Variants in ABHD2 observed in about 807,000 individuals in gnomAD.
ABHD2 encodes monoacylglycerol lipase ABHD2.
ABHD2 carries 20 observed loss-of-function variants against 48.1 expected under a neutral mutation model. The ratio of observed to expected loss-of-function variants is 0.42; its 90% CI spans 0.29 to 0.60. ABHD2 has a LOEUF of 0.60. Ranked by LOEUF, ABHD2 falls within the 20% of genes least tolerant of loss-of-function variation. The pLI, the probability that ABHD2 is intolerant of heterozygous loss-of-function variation, is 0.24. For missense variants in ABHD2, 405 were observed against 550.9 expected, an observed-to-expected ratio of 0.74 and a Z score of 2.65; for synonymous variants, 209 against 214.2, an observed-to-expected ratio of 0.98 and a Z score of 0.21.
At chr15:89,043,368 G>A in the ABHD2 span, among the ~76,000 whole-genome samples, 1 of 152,066 alleles carries the variant, frequency 6.6e-6, no homozygotes, top group African/African-American at 2.4e-5. Context: ...CAAGGTTAGG[G>A]TGAGCTATCT....
chr15:89,051,367 A>T, the ABHD2 span, among the ~76,000 whole-genome samples: 1 of 152,210 alleles, frequency 6.6e-6, no homozygotes, highest in African/African-American at 2.4e-5. Flanking sequence ...CACTCTCAAG[A>T]ATCCTAAGAT....
rs1420205460 is a variant in ABHD2, at chr15:89,166,255, C to G, written c.539-9557C>G. On this transcript the variant is annotated intron_variant, in intron 5 of 10. Transcript: ENST00000352732. This position sits in a 1 kb window ranked among gnomAD's most constrained non-coding sequence, Gnocchi z 4.6. Reference sequence around the variant, plus strand: ...TAAGAACTTAGTACCCATCTCCCACCAAAACACCAAGCTGGGGCATTTGGC... The same window carrying G: ...TAAGAACTTAGTACCCATCTCCCACGAAAACACCAAGCTGGGGCATTTGGC... 6.6e-6 allele frequency among the ~76,000 whole-genome samples: 1 copy of G among 152,186 alleles called. No individual in the cohort carries two copies. The highest frequency in any genetic ancestry group is 1.9e-4 in the East Asian group (1 of 5,196).
the ABHD2 span, among the ~76,000 whole-genome samples, chr15:89,081,590 G>A: frequency 2.0e-4 from 30 of 152,174 alleles, no homozygotes; most frequent in Admixed American, 1.7e-3. Flanking sequence ...TAGTTGGCCG[G>A]GTGCAGTGGC....
chr15:89,084,541 C>T (rs537007525), upstream of ABHD2, among the ~76,000 whole-genome samples: 5 of 152,126 alleles, frequency 3.3e-5, no homozygotes, highest in African/African-American at 7.2e-5. The surrounding 1 kb of genome is among the most constrained non-coding windows in gnomAD (Gnocchi z 4.4). Flanking sequence ...TCAAGTGATC[C>T]GCCCACCTCA....
chr15:89,064,866 T>G, the ABHD2 span, among the ~76,000 whole-genome samples: 1 of 152,158 alleles, frequency 6.6e-6, no homozygotes, highest in Non-Finnish European at 1.5e-5. Flanking sequence ...GAACAGTCTG[T>G]ATCCTACTCC....
In ABHD2 at chr15:89,197,970, T is replaced by A. The variant is rs1338341520; in HGVS notation, c.*2547T>A. 1.3e-5 allele frequency: 2 copies of A among 152,228 alleles called. No individual in the cohort carries two copies. Among genetic ancestry groups the A allele is most frequent in the African/African-American group, 4.8e-5 (2 of 41,454 alleles). The allele number at this position is 152,228 out of a possible 1,614,324, so 9.4% of individuals were successfully genotyped here. Reference sequence around the variant, plus strand: ...CTGTGGCTGTCTTACAGGAAAATTCTTGTTTGTCCCTGAATGAGAGCACAG... The same window carrying A: ...CTGTGGCTGTCTTACAGGAAAATTCATGTTTGTCCCTGAATGAGAGCACAG... On this transcript the variant is annotated 3_prime_UTR_variant, in exon 11 of 11. Coordinates refer to ENST00000352732, the MANE Select transcript of ABHD2 (RefSeq NM_152924.5). This position sits in a 1 kb window ranked among gnomAD's most constrained non-coding sequence, Gnocchi z 4.4.
chr15:89,141,781 G>A (rs900870333), intron 3 of ABHD2, among the ~76,000 whole-genome samples: 3 of 152,266 alleles, frequency 2.0e-5, no homozygotes, highest in South Asian at 4.1e-4. Flanking sequence ...GGAAGCCCAC[G>A]TTGACCAGCT....
chr15:89,123,821 G>A (rs1057123721), intron 3 of ABHD2, among the ~76,000 whole-genome samples: 4 of 151,998 alleles, frequency 2.6e-5, no homozygotes, highest in Non-Finnish European at 5.9e-5. Flanking sequence ...TGTTGTACAA[G>A]CTGGTCTTAA....
At chr15:89,107,961 C>A (rs534886668) in intron 1 of ABHD2, among the ~76,000 whole-genome samples, 5 of 152,288 alleles carry the variant, frequency 3.3e-5, no homozygotes, top group African/African-American at 9.6e-5. Context: ...AGCTGAATCA[C>A]AGAGGCAAAG....
In ABHD2 at chr15:89,179,001, A is replaced by G. The variant is rs1422603951; in HGVS notation, c.722+3006A>G. 6.6e-6 allele frequency among the ~76,000 whole-genome samples: 1 copy of G among 152,216 alleles called. No individual in the cohort carries two copies. The highest frequency in any genetic ancestry group is 1.5e-5 in the Non-Finnish European group (1 of 68,050). Reference sequence around the variant, plus strand: ...TTTTATTGCAGTTTGGGTGTAAAAGATAGTCTGTATCTGAGGACCTCACAG... The same window carrying G: ...TTTTATTGCAGTTTGGGTGTAAAAGGTAGTCTGTATCTGAGGACCTCACAG... On this transcript the variant is annotated intron_variant, in intron 6 of 10. Transcript: ENST00000352732. The surrounding 1 kb of genome is among the most constrained non-coding windows in gnomAD (Gnocchi z 4.3).
chr15:89,188,115 T>A lies in ABHD2; in HGVS notation c.816-78T>A. The A allele has an allele frequency of 7.8e-7, 1 of 1,283,024 alleles. No individual in the cohort carries two copies. Among genetic ancestry groups the A allele is most frequent in the Non-Finnish European group, 1.1e-6 (1 of 886,954 alleles). 79.5% of individuals were successfully genotyped at this position (1,283,024 alleles called of 1,614,324 possible). On this transcript the variant is annotated intron_variant, in intron 7 of 10. Transcript: ENST00000352732. This position sits in a 1 kb window ranked among gnomAD's most constrained non-coding sequence, Gnocchi z 4.1. ...ACGTTGGCTCTCCCTCCTGGCTTGC[T>A]GTGGCAAGGAAGCAGGCTATGCCAT... is the stretch of plus-strand genomic sequence containing the variant.
rs1243591363 is a variant in ABHD2, at chr15:89,195,355, A to G, written c.1210A>G (p.Ile404Val). 4 of 1,614,046 alleles carry G rather than the reference A, an allele frequency of 2.5e-6. No homozygotes were observed. The highest frequency in any genetic ancestry group is 1.3e-5 in the African/African-American group (1 of 74,924). ...DKLVVEYANA[I>V]CQWERNKLQC... ...GCTGGTGGTGGAGTACGCCAACGCC[A>G]TTTGCCAATGGGAGCGTAACAAGTT... The change falls in exon 11 of 11, where the codon ATT (isoleucine) becomes GTT (valine). Residue 404 changes from isoleucine (I) to valine (V), a missense_variant. Coordinates refer to ENST00000352732, the MANE Select transcript of ABHD2 (RefSeq NM_152924.5). The surrounding 1 kb of genome is among the most constrained non-coding windows in gnomAD (Gnocchi z 5.1).
the ABHD2 span, among the ~76,000 whole-genome samples, chr15:89,082,010 T>C: frequency 6.6e-6 from 1 of 152,118 alleles, no homozygotes; most frequent in South Asian, 2.1e-4. The surrounding 1 kb of genome is among the most constrained non-coding windows in gnomAD (Gnocchi z 4.4). Flanking sequence ...TTTGGGATAA[T>C]TCTTTGTTGT....
chr15:89,194,390 G>A (rs148427125), intron 10 of ABHD2, among the ~76,000 whole-genome samples: 1 of 152,188 alleles, frequency 6.6e-6, no homozygotes, highest in Non-Finnish European at 1.5e-5. Context: ...AGAGGCTGAG[G>A]CATGAGAATC....
rs973987145 is a variant in ABHD2, at chr15:89,166,872, C to T, written c.539-8940C>T. ...GGTAAGGTCAGAAAACTTGGTCTTGCTTAGAGGACGGGACTTCAGTCTTAG... is the reference window on the plus strand; with the variant it reads ...GGTAAGGTCAGAAAACTTGGTCTTGTTTAGAGGACGGGACTTCAGTCTTAG... On this transcript the variant is annotated intron_variant, in intron 5 of 10. Coordinates refer to ENST00000352732, the MANE Select transcript of ABHD2 (RefSeq NM_152924.5). This position sits in a 1 kb window ranked among gnomAD's most constrained non-coding sequence, Gnocchi z 4.6. 2.0e-5 allele frequency among the ~76,000 whole-genome samples: 3 copies of T among 152,100 alleles called. No homozygotes were observed. Among genetic ancestry groups the T allele is most frequent in the African/African-American group, 7.2e-5 (3 of 41,410 alleles).
intron 3 of ABHD2, among the ~76,000 whole-genome samples, chr15:89,124,944 C>G (rs1271376792): frequency 6.6e-6 from 1 of 152,166 alleles, no homozygotes; most frequent in Non-Finnish European, 1.5e-5. Context: ...CAAAAATTGG[C>G]CGGGCATGGT....
At chr15:89,052,558 GAC>G in the ABHD2 span, among the ~76,000 whole-genome samples, 15 of 124,238 alleles carry the variant, frequency 1.2e-4, no homozygotes, top group East Asian at 1.7e-3. Context: ...CAGACAGACA[GAC>G]ACACACACAC....
chr15:89,095,118 A>G (rs1210780602), intron 1 of ABHD2, among the ~76,000 whole-genome samples: 4 of 152,236 alleles, frequency 2.6e-5, no homozygotes, highest in African/African-American at 4.8e-5. Context: ...TGGAAGATCA[A>G]TATCTCAGAT....
At chr15:89,042,587 C>CTTTTTTATTTAT in the ABHD2 span, among the ~76,000 whole-genome samples, 1 of 141,920 alleles carries the variant, frequency 7.0e-6, no homozygotes, top group Non-Finnish European at 1.5e-5. Flanking sequence ...TTCTTTCTTT[C>CTTTTTTATTTAT]TTATTTATTT....
Sources: gnomAD v4.1 joint callset for allele counts (sites outside exome capture counted in the v4.1 genomes callset) on GRCh38, gnomAD v4.1.1 for gene constraint, Gnocchi (gnomAD v3.1) non-coding constraint, MANE v1.5 for transcripts, NCBI Gene and HGNC (gene_info 2026-07-23, HGNC 2026-07-21) for gene names.